The following CAMK1D variants were observed in gnomAD, a reference collection of about 807,000 sequenced individuals.
CAMK1D encodes calcium/calmodulin-dependent protein kinase type 1D.
CAMK1D carries 9 observed loss-of-function variants against 47.7 expected under a neutral mutation model. That is an observed-to-expected ratio of 0.19 (90% CI 0.11 to 0.33). The LOEUF (loss-of-function observed/expected upper bound fraction) is 0.33. Ranked by LOEUF, CAMK1D falls within the 10% of genes least tolerant of loss-of-function variation. The probability of loss-of-function intolerance (pLI) is 1.00; values close to 1 mark genes in which losing one functional copy is unlikely to be tolerated. For synonymous variants in CAMK1D, 184 were observed against 184.9 expected (o/e 0.99, Z 0.04); for missense variants, 291 against 488.7 (o/e 0.60, Z 3.81).
intron 6 of CAMK1D, among the ~76,000 whole-genome samples, chr10:12,810,355 A>G (rs964109394): frequency 4.0e-5 from 6 of 148,606 alleles, no homozygotes; most frequent in East Asian, 4.0e-4. Flanking sequence ...GCTCACTGCA[A>G]CCTCCGCCTC....
At chr10:12,541,287 C>G (rs1413905430) in intron 1 of CAMK1D, among the ~76,000 whole-genome samples, 1 of 152,134 alleles carries the variant, frequency 6.6e-6, no homozygotes, top group Non-Finnish European at 1.5e-5. Context: ...CTAAAATTGC[C>G]AAGTTTCTGC....
chr10:12,415,455 A>ATTTTTTT (rs5783266), intron 1 of CAMK1D, among the ~76,000 whole-genome samples: 1 of 93,146 alleles, frequency 1.1e-5, no homozygotes, highest in Non-Finnish European at 2.1e-5. Context: ...CGCCTGGCTA[A>ATTTTTTT]TTTTTTTTTT....
chr10:12,629,080 T>A (rs1212261880), intron 2 of CAMK1D, among the ~76,000 whole-genome samples: 3 of 152,208 alleles, frequency 2.0e-5, no homozygotes, highest in Non-Finnish European at 2.9e-5. Context: ...CTGTGTGTAT[T>A]TGTTTGGTGG....
chr10:12,785,430 G>A (rs950518339), intron 5 of CAMK1D, among the ~76,000 whole-genome samples: 2 of 152,152 alleles, frequency 1.3e-5, no homozygotes, highest in African/African-American at 4.8e-5. Context: ...GGAGCAGCAG[G>A]GAGTCCTTGT....
intron 1 of CAMK1D, among the ~76,000 whole-genome samples, chr10:12,506,239 C>T (rs375966761): frequency 2.0e-5 from 3 of 151,842 alleles, no homozygotes; most frequent in African/African-American, 7.3e-5. Context: ...GCCAACATGG[C>T]GAAACCCCCG....
At chr10:12,357,715 G>A (rs940154351) in intron 1 of CAMK1D, among the ~76,000 whole-genome samples, 1 of 152,104 alleles carries the variant, frequency 6.6e-6, no homozygotes, top group Non-Finnish European at 1.5e-5. Flanking sequence ...ATGCAAGATG[G>A]TCAATTCCGT....
chr10:12,654,722 A>C (rs1368476236), intron 2 of CAMK1D, among the ~76,000 whole-genome samples: 3 of 152,224 alleles, frequency 2.0e-5, no homozygotes, highest in Non-Finnish European at 4.4e-5. Context: ...TAACCTTTAA[A>C]AATCAGACTT....
At chr10:12,827,468 G>GTCTTTCTTTCTT (rs1294410746) in intron 10 of CAMK1D, among the ~76,000 whole-genome samples, 112 of 3,784 alleles carry the variant, frequency 0.03, 34 homozygotes, top group South Asian at 0.071. Flanking sequence ...TTCTTTGTCT[G>GTCTTTCTTTCTT]TCTGTCTTTC....
chr10:12,470,567 A>G (rs1192386657), intron 1 of CAMK1D, among the ~76,000 whole-genome samples: 1 of 149,608 alleles, frequency 6.7e-6, no homozygotes, highest in East Asian at 2.0e-4. Context: ...GCCCAGGTGG[A>G]GTGCGGTGGC....
chr10:12,637,673 T>C (rs1839547827), intron 2 of CAMK1D, among the ~76,000 whole-genome samples: 1 of 152,104 alleles, frequency 6.6e-6, no homozygotes, highest in Non-Finnish European at 1.5e-5. Context: ...CAAATATTAG[T>C]AATCTCTTTT....
chr10:12,393,970 C>T (rs887519542), intron 1 of CAMK1D, among the ~76,000 whole-genome samples: 17 of 152,312 alleles, frequency 1.1e-4, no homozygotes, highest in African/African-American at 4.1e-4. Flanking sequence ...TTGCAGACCC[C>T]CCAGGTTGAG....
chr10:12,591,039 T>C (rs1331639169), intron 2 of CAMK1D, among the ~76,000 whole-genome samples: 1 of 152,230 alleles, frequency 6.6e-6, no homozygotes, highest in African/African-American at 2.4e-5. Flanking sequence ...TTCTCTGAAT[T>C]TGTGGCTCAT....
intron 8 of CAMK1D, among the ~76,000 whole-genome samples, chr10:12,819,923 G>T (rs1288787877): frequency 2.0e-5 from 3 of 152,172 alleles, no homozygotes; most frequent in African/African-American, 7.2e-5. Context: ...CAGAGCAGTG[G>T]CAGAGTGAGG....
chr10:12,562,993 A>G (rs375123859), intron 2 of CAMK1D, among the ~76,000 whole-genome samples: 19 of 152,358 alleles, frequency 1.2e-4, no homozygotes, highest in East Asian at 9.6e-4. Flanking sequence ...CTCCAAAGAA[A>G]CAGAAGCAAT....
intron 1 of CAMK1D, among the ~76,000 whole-genome samples, chr10:12,475,613 C>G (rs2132085129): frequency 6.6e-6 from 1 of 152,252 alleles, no homozygotes; most frequent in African/African-American, 2.4e-5. Context: ...CTGTTTGAGA[C>G]CCTTCCTGCA....
intron 3 of CAMK1D, among the ~76,000 whole-genome samples, chr10:12,757,631 C>T (rs766695155): frequency 6.6e-6 from 1 of 152,194 alleles, no homozygotes; most frequent in Non-Finnish European, 1.5e-5. Flanking sequence ...GCTGCCACAA[C>T]AAAATACCAT....
chr10:12,537,315 G>A (rs573441736), intron 1 of CAMK1D, among the ~76,000 whole-genome samples: 3 of 152,238 alleles, frequency 2.0e-5, no homozygotes, highest in Admixed American at 6.5e-5. Flanking sequence ...CAAGTGATCC[G>A]CCTGCCTTGA....
intron 8 of CAMK1D, among the ~76,000 whole-genome samples, chr10:12,820,126 G>A (rs1029086343): frequency 6.6e-6 from 1 of 152,156 alleles, no homozygotes; most frequent in Non-Finnish European, 1.5e-5. Flanking sequence ...TGCAACCTCC[G>A]CTTCCCGGGT....
In CAMK1D at chr10:12,661,129, ATC is replaced by A. The variant is rs1329292947; in HGVS notation, c.225-5605_225-5604del. ...ATTCTGTCTGACCCACTGGAATTTC[ATC>A]TGTTAGGATGTTTACAACCGAGTAT... On this transcript the variant is annotated intron_variant, in intron 2 of 10. Transcript: ENST00000619168. Among the ~76,000 whole-genome samples, 5 of 152,290 alleles carry A rather than the reference ATC, an allele frequency of 3.3e-5. No individual in the cohort carries two copies. In the South Asian group the frequency reaches 1.0e-3, roughly 32 times the overall value.
Sources: allele counts gnomAD v4.1 joint callset (sites outside exome capture counted in the v4.1 genomes callset), GRCh38; gene constraint gnomAD v4.1.1; transcripts MANE v1.5; gene names NCBI Gene and HGNC (gene_info 2026-07-23, HGNC 2026-07-21).